PPFIA1: variants seen among roughly 807,000 people sequenced by gnomAD.
PPFIA1 encodes the protein PPFI scaffold protein A1, also known as liprin-alpha-1.
In PPFIA1, 25 loss-of-function variants were observed where a neutral mutation model predicts 149.9. The observed-to-expected ratio is 0.17, with a 90% CI of 0.12 to 0.23. The LOEUF is 0.23. PPFIA1 is among the 10% of genes least tolerant of loss of function. The pLI is 1.00. For missense variants in PPFIA1, 1,362 were observed against 1,506.5 expected (o/e 0.90, Z 1.59); for synonymous variants, 549 against 552.8 (o/e 0.99, Z 0.10).
intron 16 of PPFIA1, among the ~76,000 whole-genome samples, chr11:70,350,578 C>T (rs867474103): frequency 6.6e-6 from 1 of 152,104 alleles, no homozygotes; most frequent in Non-Finnish European, 1.5e-5. Flanking sequence ...AGGTGATTAA[C>T]TAAAAGTAGG....
At chr11:70,302,638 C>T (rs1041233126) in intron 2 of PPFIA1, among the ~76,000 whole-genome samples, 4 of 152,172 alleles carry the variant, frequency 2.6e-5, no homozygotes, top group African/African-American at 9.7e-5. Flanking sequence ...AAAGCTTTAA[C>T]AAGTCCATTT....
intron 17 of PPFIA1, among the ~76,000 whole-genome samples, chr11:70,354,944 T>C (rs953562042): frequency 2.6e-5 from 4 of 152,096 alleles, no homozygotes; most frequent in Non-Finnish European, 5.9e-5. Context: ...GCTATCTTTT[T>C]TTTTCTTTTT....
At chr11:70,301,107 A>G (rs144504288) in intron 2 of PPFIA1, among the ~76,000 whole-genome samples, 1 of 152,226 alleles carries the variant, frequency 6.6e-6, no homozygotes, top group Non-Finnish European at 1.5e-5. Context: ...TCTGCGTACC[A>G]ATTTTCTGAT....
intron 16 of PPFIA1, chr11:70,350,068 ATGTT>A: frequency 1.2e-5 from 5 of 404,558 alleles, no homozygotes; most frequent in Non-Finnish European, 2.5e-5. Flanking sequence ...GTGTTCGATC[ATGTT>A]TGTGAGTTTG....
intron 15 of PPFIA1, among the ~76,000 whole-genome samples, chr11:70,344,606 G>A (rs531565922): frequency 2.6e-5 from 4 of 152,298 alleles, no homozygotes; most frequent in South Asian, 2.1e-4. Context: ...AGTGTAGAAC[G>A]TTTACCTTCT....
rs1346876840 is a variant in PPFIA1 at position 70,332,040 on chromosome 11, G to T, written c.1158G>T (p.Glu386Asp). The change falls in exon 9 of 28, where the codon GAG (glutamate) becomes GAT (aspartate). Residue 386 changes from glutamate (E) to aspartate (D), a missense_variant. Physicochemically the swap from Glu to Asp is conservative, Grantham distance 45. Coordinates refer to ENST00000253925, the MANE Select transcript of PPFIA1 (RefSeq NM_003626.5). ...TGCAACAGACACTGAGGAAGGCAGA[G>T]ACGCTCCCGGAGGTGGAGGCGGAGC... ...QKLQQTLRKA[E>D]TLPEVEAELA... 4.3e-6 allele frequency: 7 copies of T among 1,613,060 alleles called. No homozygotes were observed. The African/African-American group carries it at 9.4e-5, about 22-fold the overall frequency.
intron 2 of PPFIA1, among the ~76,000 whole-genome samples, chr11:70,313,036 C>G (rs182812895): frequency 6.6e-6 from 1 of 152,234 alleles, no homozygotes; most frequent in East Asian, 1.9e-4. Flanking sequence ...CTTCAGAGGT[C>G]AGAGGGAACA....
Position 70,272,454 on chromosome 11 carries a change from C to T in PPFIA1, c.264+18C>T. 3 of 1,568,830 alleles carry T rather than the reference C, an allele frequency of 1.9e-6. No homozygotes were observed. Among genetic ancestry groups the T allele is most frequent in the Non-Finnish European group, 2.6e-6 (3 of 1,157,740 alleles). On this transcript the variant is annotated intron_variant, in intron 2 of 27. Transcript: ENST00000253925. Reference sequence around the variant, plus strand: ...TTCCACAGGTATGAGTGCTTTTAACCTGAAACTATAGATTTTTCTCCACTA... The same window carrying T: ...TTCCACAGGTATGAGTGCTTTTAACTTGAAACTATAGATTTTTCTCCACTA...
chr11:70,341,985 A>G, intron 14 of PPFIA1: 1 of 152,802 alleles, frequency 6.5e-6, no homozygotes, highest in South Asian at 2.1e-4. Context: ...GCTGGCCTGC[A>G]GCAAGGTCTA....
intron 2 of PPFIA1, among the ~76,000 whole-genome samples, chr11:70,295,931 G>A (rs1482825302): frequency 2.0e-5 from 3 of 151,838 alleles, no homozygotes; most frequent in Middle Eastern, 3.4e-3. Context: ...CAGACGGGGC[G>A]GTTGCCAGGC....
intron 2 of PPFIA1, among the ~76,000 whole-genome samples, chr11:70,281,140 G>A (rs1293061885): frequency 1.3e-5 from 2 of 151,772 alleles, no homozygotes. Context: ...TTTTTCTCTA[G>A]GTTCATTTGT....
At position 70,272,402 on chromosome 11, in the gene PPFIA1, C is replaced by A; in HGVS notation, c.230C>A (p.Ser77Tyr). 1 of 1,614,124 alleles carries A rather than the reference C, an allele frequency of 6.2e-7. No homozygotes were observed. Among genetic ancestry groups the A allele is most frequent in the Non-Finnish European group, 8.5e-7 (1 of 1,179,964 alleles). ...KLHEVGHERD[S>Y]LQRQLNTALP... ...CACGAGGTTGGTCATGAAAGAGATT[C>A]CTTGCAGAGACAGCTCAACACGGCA... Residue 77 changes from serine (S) to tyrosine (Y), a missense_variant, in exon 2 of 28, where the codon TCC becomes TAC. By Grantham distance (144) the Ser-to-Tyr change is moderately radical. This residue lies in a region of PPFIA1 where 100 missense variants were observed against 106.2 expected (regional missense o/e 0.94). Coordinates refer to ENST00000253925, the MANE Select transcript of PPFIA1 (RefSeq NM_003626.5).
chr11:70,343,582 A>T, intron 14 of PPFIA1, 87 bp from the exon 15 acceptor site: 1 of 1,238,304 alleles, frequency 8.1e-7, no homozygotes, highest in Non-Finnish European at 1.2e-6. Context: ...GGCTTTCATT[A>T]AAGAATTCCT....
At chr11:70,271,925 AG>A in intron 1 of PPFIA1, 2 of 409,766 alleles carry the variant, frequency 4.9e-6, no homozygotes, top group Non-Finnish European at 8.8e-6. Context: ...CTTTTTTGTG[AG>A]GGTAGTCCTT....
At chr11:70,284,612 G>A (rs904577367) in intron 2 of PPFIA1, among the ~76,000 whole-genome samples, 1 of 152,192 alleles carries the variant, frequency 6.6e-6, no homozygotes, top group Non-Finnish European at 1.5e-5. Context: ...CCATGATCTC[G>A]ACTGAGTGGG....
chr11:70,362,811 G>A lies in PPFIA1; in HGVS notation c.2865+323G>A, dbSNP rs190632785. 3.3e-4 allele frequency: 62 copies of A among 186,954 alleles called. No individual in the cohort carries two copies. The Middle Eastern group carries it at 6.9e-3, about 21-fold the overall frequency. 11.6% of individuals were successfully genotyped at this position (186,954 alleles called of 1,614,324 possible). A position where few individuals can be genotyped will look rare whatever the true frequency, so the allele number is the denominator to read the frequency against. On this transcript the variant is annotated intron_variant, in intron 21 of 27. Transcript: ENST00000253925. The stretch of plus-strand genomic sequence containing the variant: ...GAAAATACCAAAAAAAATTGGTAGA[G>A]ATGGGGGTCTCGCTGTGTTGCCCAG...
chr11:70,272,199 C>G lies in PPFIA1; in HGVS notation c.27C>G (p.Ile9Met). 2 of 1,613,858 alleles carry G rather than the reference C, an allele frequency of 1.2e-6. No individual in the cohort carries two copies. The highest frequency in any genetic ancestry group is 1.7e-6 in the Non-Finnish European group (2 of 1,180,002). ...TGATGTGCGAGGTGATGCCGACCAT[C>G]AGCGAAGCAGAAGGCCCCCCTGGAG... Reference protein sequence around the residue: MMCEVMPTISEAEGPPGGG... With the variant: MMCEVMPTMSEAEGPPGGG... Residue 9 changes from isoleucine (I) to methionine (M), a missense_variant, in exon 2 of 28, where the codon ATC becomes ATG. This residue lies in a region of PPFIA1 where 100 missense variants were observed against 106.2 expected (regional missense o/e 0.94). Coordinates refer to ENST00000253925, the MANE Select transcript of PPFIA1 (RefSeq NM_003626.5).
At chr11:70,358,034 G>C (rs2056440370) in intron 19 of PPFIA1, among the ~76,000 whole-genome samples, 1 of 152,192 alleles carries the variant, frequency 6.6e-6, no homozygotes, top group Admixed American at 6.5e-5. Flanking sequence ...TAGTAAGTAT[G>C]AGGAAGTGAA....
intron 2 of PPFIA1, among the ~76,000 whole-genome samples, chr11:70,312,353 G>T (rs1190793856): frequency 2.6e-5 from 4 of 151,784 alleles, no homozygotes; most frequent in Non-Finnish European, 5.9e-5. Context: ...ACCACACCTG[G>T]ATCATTTTTG....
Sources: gnomAD v4.1 joint callset for allele counts (sites outside exome capture counted in the v4.1 genomes callset) on GRCh38, gnomAD v4.1.1 for gene constraint, gnomAD v4.1.1 regional missense constraint, MANE v1.5 for transcripts, NCBI Gene and HGNC (gene_info 2026-07-23, HGNC 2026-07-21) for gene names.